Variants in RBMS3 observed in about 807,000 individuals in gnomAD.
The protein encoded by RBMS3 is RNA binding motif single stranded interacting protein 3, also known as RNA-binding motif, single-stranded-interacting protein 3.
In RBMS3, 27 loss-of-function variants were observed where a neutral mutation model predicts 66.8. The ratio of observed to expected loss-of-function variants is 0.40; its 90% CI spans 0.30 to 0.56. The LOEUF (loss-of-function observed/expected upper bound fraction) is 0.56. Among genes scored for constraint, RBMS3 ranks in the 20% least tolerant of loss-of-function variants. The pLI is 0.40. For synonymous variants in RBMS3, 188 were observed against 183.0 expected, an observed-to-expected ratio of 1.03 and a Z score of -0.22; for missense variants, 513 against 549.5, an observed-to-expected ratio of 0.93 and a Z score of 0.66.
At chr3:29,742,922 G>C (rs1431255277) in intron 5 of RBMS3, among the ~76,000 whole-genome samples, 2 of 152,136 alleles carry the variant, frequency 1.3e-5, no homozygotes, top group Non-Finnish European at 2.9e-5. Context: ...GGACTGAAAA[G>C]GCAAACATAG....
intron 3 of RBMS3, among the ~76,000 whole-genome samples, chr3:29,505,434 G>A (rs967393708): frequency 1.3e-5 from 2 of 150,724 alleles, no homozygotes; most frequent in Non-Finnish European, 3.0e-5. Flanking sequence ...TTTTATGCCA[G>A]TACCATACTC....
At chr3:29,636,286 A>G (rs146635931) in intron 4 of RBMS3, among the ~76,000 whole-genome samples, 2 of 151,968 alleles carry the variant, frequency 1.3e-5, no homozygotes, top group African/African-American at 2.4e-5. Flanking sequence ...GCCGTGTAAG[A>G]CAGAATTAAT....
At chr3:29,820,188 C>CAAAAAAAAAAAAAAAAAAAAAAAA (rs71091078) in intron 6 of RBMS3, among the ~76,000 whole-genome samples, 1 of 69,830 alleles carries the variant, frequency 1.4e-5, no homozygotes, top group Admixed American at 2.0e-4. Flanking sequence ...GACTTCTTCT[C>CAAAAAAAAAAAAAAAAAAAAAAAA]AAAAAAAAAA....
intron 4 of RBMS3, among the ~76,000 whole-genome samples, chr3:29,669,436 G>A (rs1034873544): frequency 6.6e-6 from 1 of 152,162 alleles, no homozygotes; most frequent in African/African-American, 2.4e-5. Flanking sequence ...ATCTATCTAA[G>A]TGCCTTGTCC....
At chr3:29,913,205 A>G (rs2060559029) in intron 10 of RBMS3, among the ~76,000 whole-genome samples, 1 of 152,026 alleles carries the variant, frequency 6.6e-6, no homozygotes, top group Non-Finnish European at 1.5e-5. Context: ...GTGGACCATG[A>G]GAATTTAAAA....
chr3:29,597,012 CT>C (rs1559498226), intron 4 of RBMS3, among the ~76,000 whole-genome samples: 1 of 150,876 alleles, frequency 6.6e-6, no homozygotes, highest in Non-Finnish European at 1.5e-5. Context: ...TTTAATCCTT[CT>C]AACTATTGAC....
chr3:29,304,739 T>A (rs1487612324), intron 1 of RBMS3, among the ~76,000 whole-genome samples: 3 of 151,974 alleles, frequency 2.0e-5, no homozygotes, highest in Non-Finnish European at 4.4e-5. Context: ...TTCCACCGGA[T>A]ATTACCACCC....
chr3:29,447,649 C>T (rs1014406805), intron 2 of RBMS3, among the ~76,000 whole-genome samples: 1 of 152,116 alleles, frequency 6.6e-6, no homozygotes, highest in Non-Finnish European at 1.5e-5. Context: ...AGTGAGTACC[C>T]AGTAAGTATT....
chr3:29,880,882 A>G (rs2059721701), intron 7 of RBMS3: 4 of 1,454,360 alleles, frequency 2.8e-6, no homozygotes, highest in Non-Finnish European at 3.7e-6. Context: ...GATTCTCTCC[A>G]CCTCCCTCTC....
intron 4 of RBMS3, among the ~76,000 whole-genome samples, chr3:29,660,341 A>C (rs1434041952): frequency 1.3e-5 from 2 of 152,166 alleles, no homozygotes; most frequent in African/African-American, 2.4e-5. Context: ...TTAGTCTGAG[A>C]GTGTAGCCAC....
At chr3:29,738,103 T>C (rs1188303905) in intron 4 of RBMS3, among the ~76,000 whole-genome samples, 1 of 152,220 alleles carries the variant, frequency 6.6e-6, no homozygotes, top group Non-Finnish European at 1.5e-5. Context: ...ACAATCTATC[T>C]GAATATTTAG....
chr3:29,333,898 C>G (rs2035804922), intron 1 of RBMS3, among the ~76,000 whole-genome samples: 1 of 152,120 alleles, frequency 6.6e-6, no homozygotes, highest in Non-Finnish European at 1.5e-5. Context: ...TTCAGTGGAG[C>G]AAGAGTCAAG....
intron 3 of RBMS3, among the ~76,000 whole-genome samples, chr3:29,502,125 T>C (rs953677799): frequency 2.6e-5 from 4 of 152,114 alleles, no homozygotes; most frequent in Admixed American, 2.6e-4. Flanking sequence ...AACTATCCTT[T>C]ATTTTCTTAA....
At chr3:29,342,875 G>C (rs960453116) in intron 1 of RBMS3, among the ~76,000 whole-genome samples, 1 of 152,072 alleles carries the variant, frequency 6.6e-6, no homozygotes, top group Non-Finnish European at 1.5e-5. Context: ...ATACAAAAAA[G>C]CCAAATAAAT....
intron 6 of RBMS3, among the ~76,000 whole-genome samples, chr3:29,831,613 C>T (rs1165581939): frequency 1.3e-5 from 2 of 151,932 alleles, no homozygotes; most frequent in South Asian, 2.1e-4. Flanking sequence ...ATAAATCACT[C>T]GATACTTGCT....
intron 10 of RBMS3, among the ~76,000 whole-genome samples, chr3:29,934,979 G>A (rs1577192915): frequency 1.3e-5 from 2 of 152,100 alleles, no homozygotes; most frequent in Admixed American, 1.3e-4. Context: ...CATCTGTCCA[G>A]TGAGAAAAAT....
intron 3 of RBMS3, among the ~76,000 whole-genome samples, chr3:29,577,072 G>A (rs2047145803): frequency 6.6e-6 from 1 of 152,158 alleles, no homozygotes; most frequent in Admixed American, 6.5e-5. Context: ...AACAACCTGG[G>A]TTTTGCTGCT....
intron 6 of RBMS3, among the ~76,000 whole-genome samples, chr3:29,776,125 T>A (rs556893624): frequency 6.6e-6 from 1 of 152,172 alleles, no homozygotes; most frequent in East Asian, 1.9e-4. Flanking sequence ...GCATTTTACA[T>A]CTTTGCTACA....
At chr3:29,355,094 C>G (rs552241186) in intron 1 of RBMS3, among the ~76,000 whole-genome samples, 18 of 152,236 alleles carry the variant, frequency 1.2e-4, no homozygotes, top group Admixed American at 3.3e-4. Context: ...CACTGTAATA[C>G]TATCTCATTC....
Sources: allele counts gnomAD v4.1 joint callset (sites outside exome capture counted in the v4.1 genomes callset), GRCh38; gene constraint gnomAD v4.1.1; transcripts MANE v1.5; gene names NCBI Gene and HGNC (gene_info 2026-07-23, HGNC 2026-07-21).